Variants in SCMH1 observed in about 807,000 individuals in gnomAD.
SCMH1 encodes the protein polycomb protein SCMH1.
A neutral mutation model predicts 70.8 loss-of-function variants in SCMH1; 37 were observed. That is an observed-to-expected ratio of 0.52 (90% confidence interval 0.40 to 0.69). The LOEUF is 0.69. Ranked by LOEUF, SCMH1 falls within the 30% of genes least tolerant of loss-of-function variation. The probability of loss-of-function intolerance (pLI) is 0.00; values close to 1 mark genes in which losing one functional copy is unlikely to be tolerated. For missense variants in SCMH1, 607 were observed against 827.3 expected (o/e 0.73, Z 3.27); for synonymous variants, 292 against 307.4 (o/e 0.95, Z 0.52).
At chr1:41,199,462 G>C (rs1454800618) in intron 1 of SCMH1, among the ~76,000 whole-genome samples, 1 of 152,112 alleles carries the variant, frequency 6.6e-6, no homozygotes, top group Non-Finnish European at 1.5e-5. Context: ...CATCCACTGT[G>C]CTCCTGGTAG....
Position 41,113,672 on chromosome 1 carries a change from ATTCAATAT to A in SCMH1, c.502-154_502-147del. Reference sequence around the variant, plus strand: ...AGCCTTTCTTTTAAATTAATTTTAAATTCAATATTTCAATATTTAAAGTATTACTTTAT... The same window carrying A: ...AGCCTTTCTTTTAAATTAATTTTAAATTCAATATTTAAAGTATTACTTTAT... On this transcript the variant is annotated intron_variant, in intron 7 of 14. Coordinates refer to ENST00000337495, the Ensembl canonical transcript of SCMH1. This position sits in a 1 kb window ranked among gnomAD's most constrained non-coding sequence, Gnocchi z 4.3. 1 of 745,510 alleles carries A rather than the reference ATTCAATAT, an allele frequency of 1.3e-6. No individual in the cohort carries two copies. The highest frequency in any genetic ancestry group is 1.9e-6 in the Non-Finnish European group (1 of 530,444). The allele number at this position is 745,510 out of a possible 1,614,324, so 46.2% of individuals were successfully genotyped here.
At chr1:41,060,741 C>T (rs1384542300) in intron 10 of SCMH1, among the ~76,000 whole-genome samples, 1 of 152,102 alleles carries the variant, frequency 6.6e-6, no homozygotes, top group African/African-American at 2.4e-5. Flanking sequence ...ATCTCCCAGG[C>T]TCAAGTGATC....
At chr1:41,117,061 T>TC in intron 6 of SCMH1, 51 bp from the exon 7 acceptor site, 2 of 1,531,704 alleles carry the variant, frequency 1.3e-6, no homozygotes, top group Non-Finnish European at 1.8e-6. Context: ...CAAAAATGAA[T>TC]GGTGATGTGG....
chr1:41,035,039 G>A (rs2148550773), intron 13 of SCMH1, among the ~76,000 whole-genome samples: 1 of 152,182 alleles, frequency 6.6e-6, no homozygotes, highest in Non-Finnish European at 1.5e-5. Flanking sequence ...CAATCCCTTG[G>A]AATAAATCCA....
At chr1:41,208,999 G>T (rs1475325532) in intron 1 of SCMH1, among the ~76,000 whole-genome samples, 1 of 152,030 alleles carries the variant, frequency 6.6e-6, no homozygotes, top group Non-Finnish European at 1.5e-5. Flanking sequence ...TAGTAAAGAA[G>T]AAAAGAGAGA....
chr1:41,223,585 G>T (rs1659696517), intron 1 of SCMH1, among the ~76,000 whole-genome samples: 1 of 151,716 alleles, frequency 6.6e-6, no homozygotes, highest in African/African-American at 2.4e-5. Flanking sequence ...GGCAGGGACT[G>T]TATCTTTCAA....
intron 6 of SCMH1, among the ~76,000 whole-genome samples, chr1:41,119,680 A>T (rs1250989315): frequency 1.3e-5 from 2 of 152,196 alleles, no homozygotes; most frequent in African/African-American, 4.8e-5. Context: ...CATGCCCATA[A>T]GGATGTTTGC....
exon 15 of SCMH1, chr1:41,028,140 T>A: frequency 6.2e-7 from 1 of 1,610,004 alleles, no homozygotes; most frequent in Non-Finnish European, 8.5e-7. Flanking sequence ...CCCTCATTCC[T>A]AGAAGAATGC....
At chr1:41,043,648 T>C (rs1259474121) in intron 12 of SCMH1, 3 of 149,698 alleles carry the variant, frequency 2.0e-5, no homozygotes, top group Non-Finnish European at 3.0e-5. Context: ...TTAGCCAGGA[T>C]AGTCTTGATC....
intron 5 of SCMH1, among the ~76,000 whole-genome samples, chr1:41,149,708 TA>T (rs1644893045): frequency 1.3e-5 from 2 of 152,208 alleles, no homozygotes. Flanking sequence ...ATACTCAGGC[TA>T]AGGTTAATTA....
At chr1:41,236,868 T>G (rs1662493732) in intron 1 of SCMH1, among the ~76,000 whole-genome samples, 1 of 152,214 alleles carries the variant, frequency 6.6e-6, no homozygotes, top group African/African-American at 2.4e-5. Context: ...CAATCCATAA[T>G]TGGTTGAATA....
chr1:41,047,930 A>G (rs1229876657), intron 11 of SCMH1, among the ~76,000 whole-genome samples: 1 of 152,174 alleles, frequency 6.6e-6, no homozygotes, highest in Non-Finnish European at 1.5e-5. Context: ...ACACATAGTA[A>G]GGGTTCAATA....
intron 1 of SCMH1, among the ~76,000 whole-genome samples, chr1:41,230,530 C>T (rs984226524): frequency 2.0e-5 from 3 of 151,868 alleles, no homozygotes; most frequent in Admixed American, 6.6e-5. Context: ...CCATAGCACA[C>T]GCCTGAGGTC....
chr1:41,154,357 G>C (rs569030829), intron 4 of SCMH1, among the ~76,000 whole-genome samples: 2 of 152,204 alleles, frequency 1.3e-5, no homozygotes, highest in East Asian at 3.9e-4. Context: ...TGAAGATGTT[G>C]GTAAAAGTCT....
intron 13 of SCMH1, among the ~76,000 whole-genome samples, chr1:41,035,731 A>G (rs927989166): frequency 2.0e-5 from 3 of 152,302 alleles, no homozygotes; most frequent in Non-Finnish European, 4.4e-5. Flanking sequence ...CTGCTGACAT[A>G]CGTGCTTGAA....
At chr1:41,234,525 T>A (rs890633121) in intron 1 of SCMH1, among the ~76,000 whole-genome samples, 3 of 122,692 alleles carry the variant, frequency 2.4e-5, no homozygotes, top group Non-Finnish European at 3.2e-5. Context: ...TGGAGTGCAG[T>A]GGCACAATCT....
intron 6 of SCMH1, among the ~76,000 whole-genome samples, chr1:41,136,945 T>C (rs1643449305): frequency 6.6e-6 from 1 of 151,926 alleles, no homozygotes; most frequent in Admixed American, 6.6e-5. Context: ...CTGGGCTAAT[T>C]TTTAAAAACA....
In SCMH1 at chr1:41,160,371, A is replaced by G. The variant is rs76674329; in HGVS notation, c.106+504T>C. On this transcript the variant is annotated intron_variant, in intron 4 of 14. Transcript: ENST00000337495. ...CAAATCTTAGTCCTGAAATACACTA[A>G]CCAGGGAGGAAAACCAAATGCAATT... Among the ~76,000 whole-genome samples the G allele has an allele frequency of 1.1e-3, 172 of 152,294 alleles. 1 individual carries two copies. Among genetic ancestry groups the G allele is most frequent in the African/African-American group, 3.9e-3 (164 of 41,566 alleles).
At chr1:41,050,713 C>T (rs1647795045) in intron 10 of SCMH1, among the ~76,000 whole-genome samples, 1 of 152,130 alleles carries the variant, frequency 6.6e-6, no homozygotes, top group Admixed American at 6.6e-5. Flanking sequence ...GGAAAGCGGA[C>T]TGGAAACGTA....
Sources: gnomAD v4.1 joint callset for allele counts (sites outside exome capture counted in the v4.1 genomes callset) on GRCh38, gnomAD v4.1.1 for gene constraint, Gnocchi (gnomAD v3.1) non-coding constraint, MANE v1.5 for transcripts, NCBI Gene and HGNC (gene_info 2026-07-23, HGNC 2026-07-21) for gene names.